RPS6KC1: variants seen among roughly 807,000 people sequenced by gnomAD.
The protein encoded by RPS6KC1 is ribosomal protein S6 kinase C1.
In RPS6KC1, 54 loss-of-function variants were observed where a neutral mutation model predicts 103.8. The observed-to-expected ratio is 0.52, with a 90% CI of 0.42 to 0.65. The LOEUF (loss-of-function observed/expected upper bound fraction) is 0.65. Among genes scored for constraint, RPS6KC1 ranks in the 30% least tolerant of loss-of-function variants. The pLI is 0.00. For synonymous variants in RPS6KC1, 439 were observed against 438.7 expected, an observed-to-expected ratio of 1.00 and a Z score of -0.01; for missense variants, 1,151 against 1,253.8, an observed-to-expected ratio of 0.92 and a Z score of 1.24.
chr1:213,708,535 G>C, the RPS6KC1 span, among the ~76,000 whole-genome samples: 6 of 152,040 alleles, frequency 3.9e-5, no homozygotes, highest in South Asian at 8.3e-4. Flanking sequence ...ATTTGAATAT[G>C]CTTTATTTCT....
chr1:213,782,986 C>T, the RPS6KC1 span, among the ~76,000 whole-genome samples: 2 of 152,142 alleles, frequency 1.3e-5, no homozygotes, highest in Non-Finnish European at 2.9e-5. Flanking sequence ...TGTAACTCAC[C>T]ATTTCGGAAG....
intron 2 of RPS6KC1, among the ~76,000 whole-genome samples, chr1:213,072,504 C>T (rs896372640): frequency 4.7e-5 from 7 of 150,302 alleles, no homozygotes; most frequent in Non-Finnish European, 7.4e-5. Flanking sequence ...GCTGAGATTG[C>T]ACCACTGCAC....
At chr1:213,199,223 A>G (rs1422837407) in intron 8 of RPS6KC1, among the ~76,000 whole-genome samples, 1 of 152,228 alleles carries the variant, frequency 6.6e-6, no homozygotes, top group Non-Finnish European at 1.5e-5. Flanking sequence ...TTTTTGATGA[A>G]TATCAAGGCA....
chr1:213,421,179 G>A, the RPS6KC1 span, among the ~76,000 whole-genome samples: 20 of 150,630 alleles, frequency 1.3e-4, no homozygotes, highest in Middle Eastern at 3.4e-3. Flanking sequence ...GTGTGATCTC[G>A]GCTCACACTG....
At chr1:213,186,142 A>G (rs2092520084) in intron 8 of RPS6KC1, among the ~76,000 whole-genome samples, 1 of 151,694 alleles carries the variant, frequency 6.6e-6, no homozygotes, top group African/African-American at 2.4e-5. Context: ...TGTTAACAGT[A>G]GTATAGGATT....
At chr1:213,675,046 T>C in the RPS6KC1 span, among the ~76,000 whole-genome samples, 31 of 152,340 alleles carry the variant, frequency 2.0e-4, 1 homozygote, top group South Asian at 6.0e-3. Flanking sequence ...TAGACCTTTG[T>C]TGGTTGCATT....
chr1:213,820,050 G>T, the RPS6KC1 span: 1 of 152,194 alleles, frequency 6.6e-6, no homozygotes, highest in Non-Finnish European at 1.5e-5. Flanking sequence ...GCGGCAGGGG[G>T]AGCTTCTTGA....
chr1:213,508,213 G>C, the RPS6KC1 span, among the ~76,000 whole-genome samples: 19 of 152,222 alleles, frequency 1.2e-4, no homozygotes, highest in African/African-American at 4.3e-4. Flanking sequence ...GTATCATTAA[G>C]GCTTGGATTA....
chr1:213,713,327 A>G, the RPS6KC1 span, among the ~76,000 whole-genome samples: 1 of 152,294 alleles, frequency 6.6e-6, no homozygotes, highest in East Asian at 1.9e-4. Context: ...TTGCCCTATC[A>G]CTTTTTCTCC....
At chr1:213,560,763 G>A in the RPS6KC1 span, among the ~76,000 whole-genome samples, 134 of 152,238 alleles carry the variant, frequency 8.8e-4, no homozygotes, top group African/African-American at 3.0e-3. Flanking sequence ...CAAATCTCAC[G>A]AGGATGATGT....
At chr1:213,325,757 GA>G in the RPS6KC1 span, among the ~76,000 whole-genome samples, 1 of 152,208 alleles carries the variant, frequency 6.6e-6, no homozygotes, top group East Asian at 1.9e-4. Flanking sequence ...GGGAAAATTA[GA>G]GGCCTGACCT....
chr1:213,247,749 C>T (rs2094476066), intron 12 of RPS6KC1, among the ~76,000 whole-genome samples: 1 of 152,178 alleles, frequency 6.6e-6, no homozygotes, highest in South Asian at 2.1e-4. Flanking sequence ...GTCAGATCAT[C>T]TGACATCCTC....
the RPS6KC1 span, among the ~76,000 whole-genome samples, chr1:213,512,066 G>C: frequency 1.3e-5 from 2 of 152,178 alleles, no homozygotes; most frequent in Non-Finnish European, 2.9e-5. Flanking sequence ...GCAATAGTCA[G>C]CTTTTAATGT....
chr1:213,859,350 T>C, the RPS6KC1 span, among the ~76,000 whole-genome samples: 7 of 152,248 alleles, frequency 4.6e-5, no homozygotes, highest in Admixed American at 6.5e-5. Flanking sequence ...ACATGATTTA[T>C]TCCTGCAGTT....
At chr1:213,200,231 A>AGT (rs2093107117) in intron 8 of RPS6KC1, among the ~76,000 whole-genome samples, 1 of 152,222 alleles carries the variant, frequency 6.6e-6, no homozygotes, top group Non-Finnish European at 1.5e-5. Context: ...ATGACTTCAA[A>AGT]GTATACTACA....
At chr1:213,061,724 T>C (rs1471333461) in intron 1 of RPS6KC1, among the ~76,000 whole-genome samples, 1 of 152,170 alleles carries the variant, frequency 6.6e-6, no homozygotes, top group Non-Finnish European at 1.5e-5. Flanking sequence ...GTATACCTAA[T>C]CACCACAAGG....
At chr1:213,366,928 A>C in the RPS6KC1 span, among the ~76,000 whole-genome samples, 2 of 152,314 alleles carry the variant, frequency 1.3e-5, no homozygotes, top group Non-Finnish European at 2.9e-5. Flanking sequence ...CAGAACTATT[A>C]GATTAATCTC....
intron 6 of RPS6KC1, among the ~76,000 whole-genome samples, chr1:213,147,018 C>G (rs182085193): frequency 6.6e-6 from 1 of 152,226 alleles, no homozygotes; most frequent in East Asian, 1.9e-4. Context: ...CTGTTCATAT[C>G]TTATGCCCGT....
Position 213,246,928 on chromosome 1 carries a change from A to G in RPS6KC1, c.2911+4270A>G, listed in dbSNP as rs116547697. Among the ~76,000 whole-genome samples the G allele has an allele frequency of 7.6e-3, 1,154 of 152,234 alleles. 14 individuals carry two copies. Among genetic ancestry groups the G allele is most frequent in the Non-Finnish European group, 0.01 (687 of 67,988 alleles). ...CAAGAAAATGATATTTGAAAGCTTAATATACAATCTGAGACAAGTGCATAA... is the reference window on the plus strand; with the variant it reads ...CAAGAAAATGATATTTGAAAGCTTAGTATACAATCTGAGACAAGTGCATAA... On this transcript the variant is annotated intron_variant, in intron 12 of 14. Coordinates refer to ENST00000366960, the MANE Select transcript of RPS6KC1 (RefSeq NM_012424.6).
Sources: gnomAD v4.1 joint callset for allele counts (sites outside exome capture counted in the v4.1 genomes callset) on GRCh38, gnomAD v4.1.1 for gene constraint, MANE v1.5 for transcripts, NCBI Gene and HGNC (gene_info 2026-07-23, HGNC 2026-07-21) for gene names.